Variants in PNMA6E observed in about 807,000 individuals in gnomAD.
PNMA6E encodes the protein PNMA family member 6E, also known as paraneoplastic antigen Ma6E.
For synonymous variants in PNMA6E, 43 were observed against 17.1 expected, an observed-to-expected ratio of 2.52 and a Z score of -3.74; for missense variants, 78 against 50.8, an observed-to-expected ratio of 1.53 and a Z score of -1.63.
At chrX:153,412,560 A>T in the PNMA6E span, among the ~76,000 whole-genome samples, 1 of 112,437 alleles carries the variant, frequency 8.9e-6, no homozygotes, top group African/African-American at 3.2e-5. Context: ...AGAATAACTT[A>T]TTCTAGAATA....
In PNMA6E at chrX:153,396,413, G is replaced by C. The variant is rs1355714335; in HGVS notation, c.*493C>G. ...GATGGCTAGCAGTGGGTGGGCGTCT[G>C]CTGGGCGCGTGGGTCACACAGGTGA... On this transcript the variant is annotated 3_prime_UTR_variant, in exon 2 of 2. Transcript: ENST00000445091. 1 of 115,352 alleles carries C rather than the reference G, an allele frequency of 8.7e-6. No individual in the cohort carries two copies. Among genetic ancestry groups the C allele is most frequent in the Non-Finnish European group, 1.9e-5 (1 of 53,842 alleles). 9.5% of individuals were successfully genotyped at this position (115,352 alleles called of 1,213,427 possible). A position where few individuals can be genotyped will look rare whatever the true frequency, so the allele number is the denominator to read the frequency against.
upstream of PNMA6E, among the ~76,000 whole-genome samples, chrX:153,404,467 C>T (rs782480222): frequency 3.6e-5 from 4 of 110,235 alleles, no homozygotes; most frequent in East Asian, 8.5e-4. Flanking sequence ...TATATTTCTC[C>T]GAAGATGAGT....
the PNMA6E span, among the ~76,000 whole-genome samples, chrX:153,411,443 C>G: frequency 1.4e-4 from 16 of 112,368 alleles, no homozygotes; most frequent in South Asian, 3.6e-4. Context: ...CAACGCGCCC[C>G]GTTCCCACGC....
chrX:153,405,029 G>C (rs782628180), upstream of PNMA6E, among the ~76,000 whole-genome samples: 3 of 112,799 alleles, frequency 2.7e-5, no homozygotes, highest in Non-Finnish European at 5.6e-5. Flanking sequence ...GGTCTGATAG[G>C]AGTGACTCCA....
chrX:153,409,298 C>G, the PNMA6E span, among the ~76,000 whole-genome samples: 6 of 113,094 alleles, frequency 5.3e-5, no homozygotes, highest in Non-Finnish European at 1.1e-4. Flanking sequence ...AACTCTTCCT[C>G]CCCAGGTTCT....
the PNMA6E span, among the ~76,000 whole-genome samples, chrX:153,412,093 C>G: frequency 2.7e-5 from 3 of 112,862 alleles, no homozygotes; most frequent in African/African-American, 9.6e-5. Context: ...GCTGCCCAGG[C>G]ACCGGCCCTG....
At chrX:153,408,297 G>A in the PNMA6E span, among the ~76,000 whole-genome samples, 41 of 112,593 alleles carry the variant, frequency 3.6e-4, no homozygotes, top group African/African-American at 1.3e-3. Context: ...CCTGGGGCAG[G>A]TGCCCAGCTG....
At chrX:153,413,302 G>A in the PNMA6E span, among the ~76,000 whole-genome samples, 1 of 103,891 alleles carries the variant, frequency 9.6e-6, no homozygotes, top group East Asian at 3.0e-4. Context: ...GTCGTCTTAA[G>A]GCATCCTGCT....
upstream of PNMA6E, among the ~76,000 whole-genome samples, chrX:153,402,428 C>A (rs1556971563): frequency 9.0e-6 from 1 of 111,133 alleles, no homozygotes; most frequent in East Asian, 2.8e-4. Context: ...TTACATTGTA[C>A]CACATCACCT....
chrX:153,409,445 G>A, the PNMA6E span, among the ~76,000 whole-genome samples: 33 of 113,298 alleles, frequency 2.9e-4, no homozygotes, highest in South Asian at 3.6e-4. Context: ...GAGGACCGCC[G>A]GGAGGGCCCG....
At chrX:153,399,421 G>A in intron 1 of PNMA6E, among the ~76,000 whole-genome samples, 1 of 110,730 alleles carries the variant, frequency 9.0e-6, no homozygotes, top group East Asian at 2.8e-4. Flanking sequence ...TCTCGGCTCA[G>A]TGCAGCCTCG....
the PNMA6E span, among the ~76,000 whole-genome samples, chrX:153,412,334 G>A: frequency 2.7e-5 from 3 of 112,537 alleles, no homozygotes; most frequent in African/African-American, 9.7e-5. Flanking sequence ...CTTCCCTACA[G>A]GGCTAGTTGT....
upstream of PNMA6E, among the ~76,000 whole-genome samples, chrX:153,405,851 G>A (rs2088874885): frequency 9.0e-6 from 1 of 111,249 alleles, no homozygotes; most frequent in South Asian, 3.8e-4. Context: ...GAACCCCTCA[G>A]CTAAGCCATT....
chrX:153,404,995 A>C (rs2124277897), upstream of PNMA6E, among the ~76,000 whole-genome samples: 1 of 112,905 alleles, frequency 8.9e-6, no homozygotes, highest in African/African-American at 3.2e-5. Flanking sequence ...TCCTGGTTTC[A>C]TAGATGTCAT....
rs540436983 is a variant in PNMA6E at position 153,398,712 on chromosome X, C to T, written c.138G>A (p.Leu46=). 3.2e-6 allele frequency: 1 copy of T among 308,033 alleles called. No homozygotes were observed. The highest frequency in any genetic ancestry group is 1.7e-4 in the South Asian group (1 of 6,007). The allele number at this position is 308,033 out of a possible 1,213,427, so 25.4% of individuals were successfully genotyped here. ...GCTTGGTGAGTACTCGGTACCTGCC[C>T]AGGGGCGACAGGGCAGCCCGCACGG... ...QEAVRAALSP[L]GRYRVLTKHF... is the part of the protein sequence containing the mutation. The change falls in exon 2 of 2, where the codon CTG becomes CTA. Residue 46 remains leucine (L), a synonymous_variant. Coordinates refer to ENST00000445091, the MANE Select transcript of PNMA6E (RefSeq NM_001367770.1).
At chrX:153,411,969 C>T in the PNMA6E span, among the ~76,000 whole-genome samples, 2 of 112,774 alleles carry the variant, frequency 1.8e-5, no homozygotes, top group African/African-American at 3.2e-5. Context: ...TTCCAGCCAC[C>T]GGTCCCGAGG....
chrX:153,411,832 G>A, the PNMA6E span, among the ~76,000 whole-genome samples: 2 of 112,417 alleles, frequency 1.8e-5, no homozygotes, highest in Non-Finnish European at 3.8e-5. Flanking sequence ...CCTGGGAGGC[G>A]GGCTAGCACT....
rs2088795226 is a variant in PNMA6E at position 153,395,664 on chromosome X, A to G, written c.*1242T>C. ...TGGAACACGGAATGAAATTTATTGA[A>G]GAGAAACATATACTGAAACTATTGA... On this transcript the variant is annotated 3_prime_UTR_variant, in exon 2 of 2. Transcript: ENST00000445091. The G allele has an allele frequency of 8.9e-6, 1 of 111,877 alleles. No individual in the cohort carries two copies. Among genetic ancestry groups the G allele is most frequent in the Admixed American group, 9.5e-5 (1 of 10,479 alleles). The allele number at this position is 111,877 out of a possible 1,213,427, so 9.2% of individuals were successfully genotyped here.
rs1323618453 is a variant in PNMA6E at position 153,399,921 on chromosome X, G to A, written c.-71-1001C>T. Among the ~76,000 whole-genome samples, 4 of 112,018 alleles carry A rather than the reference G, an allele frequency of 3.6e-5. No individual in the cohort carries two copies. In the Admixed American group the frequency reaches 3.8e-4, roughly 11 times the overall value. Reference sequence around the variant, plus strand: ...GGCTAGTAATTTGGGTAAGTTGAATGTTTTGTGCAGTTTGAAATATCTTGT... The same window carrying A: ...GGCTAGTAATTTGGGTAAGTTGAATATTTTGTGCAGTTTGAAATATCTTGT... On this transcript the variant is annotated intron_variant, in intron 1 of 1. Transcript: ENST00000445091.
Sources: allele counts gnomAD v4.1 joint callset (sites outside exome capture counted in the v4.1 genomes callset), GRCh38; gene constraint gnomAD v4.1.1; transcripts MANE v1.5; gene names NCBI Gene and HGNC (gene_info 2026-07-23, HGNC 2026-07-21).